The following PRPF3 variants were observed in gnomAD, a reference collection of about 807,000 sequenced individuals.
PRPF3 encodes the protein U4/U6 small nuclear ribonucleoprotein Prp3.
Under a neutral mutation model 89.2 loss-of-function variants are expected in PRPF3, and 3 were observed. The observed-to-expected ratio is 0.03, with a 90% CI of 0.02 to 0.09. PRPF3 has a LOEUF of 0.09. PRPF3 is among the 10% of genes least tolerant of loss of function. The pLI is 1.00. For synonymous variants in PRPF3, 270 were observed against 289.1 expected, an observed-to-expected ratio of 0.93 and a Z score of 0.67; for missense variants, 463 against 828.8, an observed-to-expected ratio of 0.56 and a Z score of 5.42.
chr1:150,345,637 C>T (rs1362313790), intron 12 of PRPF3: 11 of 292,530 alleles, frequency 3.8e-5, no homozygotes. Context: ...GCATGAGCCA[C>T]CGCACCCAGC....
chr1:150,332,966 CTCTA>C lies in PRPF3; in HGVS notation c.508-9_508-6del, dbSNP rs782767956. The C allele has an allele frequency of 7.5e-6, 12 of 1,606,626 alleles. No individual in the cohort carries two copies. The South Asian group carries it at 1.3e-4, about 18-fold the overall frequency. The stretch of plus-strand genomic sequence containing the variant: ...GTCTTAATTCCTCTGATTTCTTTTT[CTCTA>C]TCTCACAGCCAAAGACTCCTTCTTC... On this transcript the variant is annotated splice_polypyrimidine_tract_variant and intron_variant, in intron 5 of 15. Coordinates refer to ENST00000324862, the MANE Select transcript of PRPF3 (RefSeq NM_004698.4).
intron 6 of PRPF3, 115 bp downstream of exon 6, chr1:150,333,314 C>G: frequency 8.6e-7 from 1 of 1,163,532 alleles, no homozygotes; most frequent in Non-Finnish European, 1.2e-6. Flanking sequence ...AATCGTAGCA[C>G]TTTGGGAGGC....
chr1:150,333,934 T>G (rs1449691845), intron 6 of PRPF3, among the ~76,000 whole-genome samples: 1 of 152,194 alleles, frequency 6.6e-6, no homozygotes, highest in Non-Finnish European at 1.5e-5. Flanking sequence ...AAGATAGGAT[T>G]ATAAATTCAT....
At chr1:150,345,835 A>G (rs782195328) in intron 12 of PRPF3, 183 bp from the exon 13 acceptor site, 101 of 677,154 alleles carry the variant, frequency 1.5e-4, no homozygotes, top group Non-Finnish European at 2.1e-4. Context: ...GAAGAAATGT[A>G]AGAGTGTGGA....
At chr1:150,345,665 T>G (rs1658208803) in intron 12 of PRPF3, 1 of 331,586 alleles carries the variant, frequency 3.0e-6, no homozygotes, top group Non-Finnish European at 5.8e-6. Flanking sequence ...TCCTATATTA[T>G]AAGAGTCTAA....
At chr1:150,352,665 A>C (rs184358279) in intron 15 of PRPF3, among the ~76,000 whole-genome samples, 168 bp from the exon 16 acceptor site, 2,432 of 152,346 alleles carry the variant, frequency 0.016, 32 homozygotes, top group Middle Eastern at 0.051. Context: ...ACTCTGTCTC[A>C]GAAAAACACA....
intron 15 of PRPF3, among the ~76,000 whole-genome samples, chr1:150,350,436 G>A (rs1471119332): frequency 6.6e-6 from 1 of 151,798 alleles, no homozygotes; most frequent in African/African-American, 2.4e-5. Context: ...CCTGACCTGA[G>A]GTCCGACTGC....
chr1:150,326,967 A>G (rs1001030340), intron 3 of PRPF3, among the ~76,000 whole-genome samples: 5 of 151,902 alleles, frequency 3.3e-5, no homozygotes, highest in Non-Finnish European at 1.5e-5. Flanking sequence ...TTTCAGACCT[A>G]TGTTGAATTT....
At position 150,335,006 on chromosome 1, in the gene PRPF3, C is replaced by G; in HGVS notation, c.800C>G (p.Ala267Gly). 6.2e-7 allele frequency: 1 copy of G among 1,614,114 alleles called. No homozygotes were observed. Among genetic ancestry groups the G allele is most frequent in the Non-Finnish European group, 8.5e-7 (1 of 1,180,024 alleles). The change falls in exon 7 of 16, where the codon GCA becomes GGA. Residue 267 changes from alanine (A) to glycine (G), a missense_variant. By Grantham distance (60) the Ala-to-Gly change is moderately conservative. Transcript: ENST00000324862. Reference sequence around the variant, plus strand: ...GATGAGCAAGGGCGCACTGTAGATGCAACAGGCAAGGAGATTGAGCTGACA... The same window carrying G: ...GATGAGCAAGGGCGCACTGTAGATGGAACAGGCAAGGAGATTGAGCTGACA... ...ILDEQGRTVDATGKEIELTHR... is the reference protein window; with the variant it reads ...ILDEQGRTVDGTGKEIELTHR...
chr1:150,327,652 G>A lies in PRPF3; in HGVS notation c.277-668G>A, dbSNP rs1211946960. The A allele has an allele frequency of 1.1e-5, 11 of 985,208 alleles. No homozygotes were observed. The Admixed American group carries it at 1.8e-4, about 17-fold the overall frequency. 61.0% of individuals were successfully genotyped at this position (985,208 alleles called of 1,614,324 possible). A position where few individuals can be genotyped will look rare whatever the true frequency, so the allele number is the denominator to read the frequency against. ...GGGATGTCACCCAAAGCCTACCACC[G>A]GTGTGTACATTTGCTTTTTCCCATT... On this transcript the variant is annotated intron_variant, in intron 3 of 15. Transcript: ENST00000324862.
At chr1:150,334,085 G>A (rs1168669552) in intron 6 of PRPF3, among the ~76,000 whole-genome samples, 1 of 152,068 alleles carries the variant, frequency 6.6e-6, no homozygotes, top group Non-Finnish European at 1.5e-5. Flanking sequence ...CTGGCAGATT[G>A]CTTGAGCTCA....
intron 1 of PRPF3, among the ~76,000 whole-genome samples, chr1:150,322,703 A>G (rs782013922): frequency 6.6e-6 from 1 of 152,202 alleles, no homozygotes; most frequent in Non-Finnish European, 1.5e-5. Flanking sequence ...AGACTCTAGT[A>G]TAGAGGCTAA....
intron 10 of PRPF3, 67 bp downstream of exon 10, chr1:150,343,519 C>T: frequency 6.4e-7 from 1 of 1,571,038 alleles, no homozygotes; most frequent in Admixed American, 1.7e-5. Flanking sequence ...CCTGGAGGAA[C>T]TTTAACATCT....
chr1:150,325,779 T>A lies in PRPF3; in HGVS notation c.174T>A (p.Ser58=), dbSNP rs1655648346. ...ADHLKPFLDD[S]TLRFVDKLFE... ...ATCTGAAACCTTTTCTTGATGATTC[T>A]ACTCTCCGATTTGTGGACAAACTGT... is the stretch of plus-strand genomic sequence containing the variant. Residue 58 remains serine (S), a synonymous_variant, in exon 3 of 16, where the codon TCT becomes TCA. Coordinates refer to ENST00000324862, the MANE Select transcript of PRPF3 (RefSeq NM_004698.4). 1 of 1,613,534 alleles carries A rather than the reference T, an allele frequency of 6.2e-7. No individual in the cohort carries two copies. Among genetic ancestry groups the A allele is most frequent in the Non-Finnish European group, 8.5e-7 (1 of 1,179,596 alleles).
intron 4 of PRPF3, among the ~76,000 whole-genome samples, chr1:150,328,863 A>G (rs1215980306): frequency 6.6e-6 from 1 of 151,000 alleles, no homozygotes; most frequent in Non-Finnish European, 1.5e-5. Flanking sequence ...AATTTTTTGT[A>G]TTTCTTTTAG....
At chr1:150,330,292 TC>T (rs1656195449) in intron 4 of PRPF3, 1 of 152,484 alleles carries the variant, frequency 6.6e-6, no homozygotes, top group East Asian at 1.9e-4. Flanking sequence ...GAAATGATCC[TC>T]CTGCCTCAGC....
At chr1:150,334,082 A>C (rs1656716151) in intron 6 of PRPF3, among the ~76,000 whole-genome samples, 1 of 152,128 alleles carries the variant, frequency 6.6e-6, no homozygotes, top group Non-Finnish European at 1.5e-5. Context: ...AGACTGGCAG[A>C]TTGCTTGAGC....
intron 7 of PRPF3, among the ~76,000 whole-genome samples, chr1:150,337,292 G>A (rs1050202467): frequency 6.6e-6 from 1 of 151,806 alleles, no homozygotes; most frequent in African/African-American, 2.4e-5. Flanking sequence ...TCCCGCCTCG[G>A]CCTCTCAAAG....
chr1:150,322,816 C>A (rs1655205334), intron 1 of PRPF3, among the ~76,000 whole-genome samples: 3 of 151,512 alleles, frequency 2.0e-5, no homozygotes, highest in Non-Finnish European at 1.5e-5. Flanking sequence ...AGTGGCACTG[C>A]TGGGAATAGC....
Sources: gnomAD v4.1 joint callset for allele counts (sites outside exome capture counted in the v4.1 genomes callset) on GRCh38, gnomAD v4.1.1 for gene constraint, MANE v1.5 for transcripts, NCBI Gene and HGNC (gene_info 2026-07-23, HGNC 2026-07-21) for gene names.